WIF1: variants seen among roughly 807,000 people sequenced by gnomAD.
The protein encoded by WIF1 is Wnt inhibitory factor 1.
Under a neutral mutation model 53.5 loss-of-function variants are expected in WIF1, and 35 were observed. The observed-to-expected ratio is 0.65, with a 90% CI of 0.50 to 0.87. The LOEUF (loss-of-function observed/expected upper bound fraction) is 0.87. Ranked by LOEUF, WIF1 falls within the 40% of genes least tolerant of loss-of-function variation. WIF1 has a pLI of 0.00. For missense variants in WIF1, 467 were observed against 476.8 expected (o/e 0.98, Z 0.19); for synonymous variants, 171 against 170.4 (o/e 1.00, Z -0.03).
chr12:65,108,441 T>C (rs1883382456), intron 2 of WIF1, among the ~76,000 whole-genome samples: 1 of 152,214 alleles, frequency 6.6e-6, no homozygotes, highest in African/African-American at 2.4e-5. Context: ...GAATGTTCAG[T>C]AGAAAATATG....
intron 9 of WIF1, among the ~76,000 whole-genome samples, chr12:65,051,913 G>T (rs1363720334): frequency 6.6e-6 from 1 of 152,182 alleles, no homozygotes; most frequent in Non-Finnish European, 1.5e-5. Flanking sequence ...ACATGATTGG[G>T]TGTGACTATT....
intron 9 of WIF1, among the ~76,000 whole-genome samples, chr12:65,053,486 A>G (rs1326212208): frequency 6.6e-6 from 1 of 152,080 alleles, no homozygotes; most frequent in Non-Finnish European, 1.5e-5. Flanking sequence ...ACAGTTTTAT[A>G]AGTGTTTGGC....
chr12:65,086,700 TTTC>T (rs1237920502), intron 2 of WIF1, among the ~76,000 whole-genome samples: 10 of 107,742 alleles, frequency 9.3e-5, no homozygotes, highest in African/African-American at 3.2e-4. Context: ...CTAGTGTTTC[TTTC>T]TTTTTTTTTT....
At chr12:65,116,217 G>C (rs188153100) in intron 2 of WIF1, among the ~76,000 whole-genome samples, 1 of 152,046 alleles carries the variant, frequency 6.6e-6, no homozygotes, top group South Asian at 2.1e-4. Context: ...CCCAACCCTC[G>C]GGGCACATGT....
intron 3 of WIF1, among the ~76,000 whole-genome samples, chr12:65,069,574 G>C (rs1024015085): frequency 1.3e-5 from 2 of 152,176 alleles, no homozygotes; most frequent in Admixed American, 1.3e-4. Context: ...ATCTAGAAGA[G>C]AGTTTGATGT....
intron 4 of WIF1, 140 bp from the exon 5 acceptor site, chr12:65,067,930 C>T: frequency 1.5e-6 from 1 of 681,496 alleles, no homozygotes; most frequent in Non-Finnish European, 2.4e-6. Context: ...GTACTTCCAA[C>T]TCATTCCCTC....
intron 2 of WIF1, among the ~76,000 whole-genome samples, chr12:65,093,894 C>T (rs560126235): frequency 6.6e-6 from 1 of 152,152 alleles, no homozygotes; most frequent in Non-Finnish European, 1.5e-5. Context: ...GGATAAAGCT[C>T]TTCTAACACA....
At chr12:65,101,586 T>A (rs1883282894) in intron 2 of WIF1, among the ~76,000 whole-genome samples, 1 of 152,242 alleles carries the variant, frequency 6.6e-6, no homozygotes, top group African/African-American at 2.4e-5. Context: ...TGCTTTATTT[T>A]TGCTACAAGT....
intron 2 of WIF1, among the ~76,000 whole-genome samples, chr12:65,104,230 A>G (rs576364689): frequency 6.6e-6 from 1 of 152,346 alleles, no homozygotes; most frequent in South Asian, 2.1e-4. Flanking sequence ...ATTTTGACCT[A>G]TGAAAAAAGA....
chr12:65,077,269 G>T (rs1882875599), intron 3 of WIF1, among the ~76,000 whole-genome samples: 1 of 152,162 alleles, frequency 6.6e-6, no homozygotes. Flanking sequence ...GATTAGACTA[G>T]AAACGTTGAA....
At chr12:65,112,418 A>T (rs1204010525) in intron 2 of WIF1, among the ~76,000 whole-genome samples, 1 of 149,134 alleles carries the variant, frequency 6.7e-6, no homozygotes, top group African/African-American at 2.5e-5. Flanking sequence ...ACACACACAC[A>T]CACACACACA....
chr12:65,099,108 C>T (rs1883244200), intron 2 of WIF1, among the ~76,000 whole-genome samples: 1 of 152,068 alleles, frequency 6.6e-6, no homozygotes, highest in African/African-American at 2.4e-5. Flanking sequence ...TCTTAAAGTC[C>T]CAGCATAATT....
Position 65,077,823 on chromosome 12 carries a change from C to A in WIF1, c.320G>T (p.Arg107Leu). The A allele has an allele frequency of 6.2e-7, 1 of 1,613,700 alleles. No homozygotes were observed. Among genetic ancestry groups the A allele is most frequent in the Non-Finnish European group, 8.5e-7 (1 of 1,179,806 alleles). Residue 107 changes from arginine to leucine, a missense_variant, in exon 3 of 10, where the codon CGC (arginine) becomes CTC (leucine). Arg to Leu is a moderately radical substitution (Grantham distance 102). Coordinates refer to ENST00000286574, the MANE Select transcript of WIF1 (RefSeq NM_007191.5). The part of the protein sequence containing the change: ...AEYFYEFLSL[R>L]SLDKGIMADP... ...TGCCATGATGCCTTTATCCAGGGAG[C>A]GCAAGGACAGGAATTCATAGAAGTA...
chr12:65,108,135 G>A (rs1017271958), intron 2 of WIF1, among the ~76,000 whole-genome samples: 4 of 152,090 alleles, frequency 2.6e-5, no homozygotes, highest in South Asian at 2.1e-4. Context: ...ATTATAATAC[G>A]TTTAATATTG....
chr12:65,056,105 C>T lies in WIF1; in HGVS notation c.848G>A (p.Arg283Gln), dbSNP rs144126995. The T allele has an allele frequency of 3.0e-5, 49 of 1,613,918 alleles. No homozygotes were observed. The highest frequency in any genetic ancestry group is 4.5e-5 in the East Asian group (2 of 44,880). Reference protein sequence around the residue: ...CEISKCPQPCRNGGKCIGKSK... With the variant: ...CEISKCPQPCQNGGKCIGKSK... The stretch of plus-strand genomic sequence containing the variant: ...TTTACCAATGCATTTACCTCCATTT[C>T]GACAGGGTTGTGGGCATTTGCCTGA... Residue 283 changes from arginine (R) to glutamine (Q), a missense_variant, in exon 8 of 10, where the codon CGA (arginine) becomes CAA (glutamine). By Grantham distance (43) the Arg-to-Gln change is conservative. Coordinates refer to ENST00000286574, the MANE Select transcript of WIF1 (RefSeq NM_007191.5).
chr12:65,106,055 C>T (rs1883346702), intron 2 of WIF1, among the ~76,000 whole-genome samples: 1 of 152,170 alleles, frequency 6.6e-6, no homozygotes, highest in Non-Finnish European at 1.5e-5. Flanking sequence ...GCAGACTTCT[C>T]ACCAGTGGCA....
intron 7 of WIF1, 33 bp from the exon 8 acceptor site, chr12:65,056,159 AC>A (rs1565747583): frequency 6.3e-7 from 1 of 1,590,408 alleles, no homozygotes; most frequent in Admixed American, 1.7e-5. Context: ...TAAACAAGGA[AC>A]CTGGTGCTTC....
chr12:65,120,958 C>A, intron 1 of WIF1, 86 bp downstream of exon 1: 3 of 1,349,200 alleles, frequency 2.2e-6, no homozygotes, highest in Non-Finnish European at 2.9e-6. Context: ...AGTTTTAAAA[C>A]ACAAGAAACG....
chr12:65,115,858 C>A (rs1366551213), intron 2 of WIF1, among the ~76,000 whole-genome samples: 1 of 152,116 alleles, frequency 6.6e-6, no homozygotes, highest in African/African-American at 2.4e-5. Flanking sequence ...TGATGAGAAT[C>A]TGATGAGCAT....
Sources: gnomAD v4.1 joint callset for allele counts (sites outside exome capture counted in the v4.1 genomes callset) on GRCh38, gnomAD v4.1.1 for gene constraint, MANE v1.5 for transcripts, NCBI Gene and HGNC (gene_info 2026-07-23, HGNC 2026-07-21) for gene names.